The following EYS variants were observed in gnomAD, a reference collection of about 807,000 sequenced individuals.
The protein encoded by EYS is EGF-like photoreceptor maintenance factor.
In EYS, 250 loss-of-function variants were observed where a neutral mutation model predicts 282.1. That is an observed-to-expected ratio of 0.89 (90% confidence interval 0.80 to 0.98). The LOEUF is 0.98. Ranked by LOEUF, EYS falls within the 50% of genes least tolerant of loss-of-function variation. EYS has a pLI of 0.00. For missense variants in EYS, 4,016 were observed against 3,709.0 expected (o/e 1.08, Z -2.15); for synonymous variants, 1,355 against 1,282.9 (o/e 1.06, Z -1.20).
intron 41 of EYS, among the ~76,000 whole-genome samples, chr6:63,730,960 G>C (rs919868434): frequency 6.6e-6 from 1 of 152,156 alleles, no homozygotes; most frequent in Admixed American, 6.5e-5. Context: ...GGCAGAGGTT[G>C]CAGTGAGTTG....
intron 19 of EYS, among the ~76,000 whole-genome samples, chr6:64,854,415 A>G (rs1485295066): frequency 6.6e-6 from 1 of 152,086 alleles, no homozygotes; most frequent in Admixed American, 6.6e-5. Context: ...TGCAGCCATA[A>G]AAAAGGATGA....
chr6:63,773,475 A>G (rs1436547479), intron 40 of EYS, among the ~76,000 whole-genome samples: 1 of 152,216 alleles, frequency 6.6e-6, no homozygotes, highest in Non-Finnish European at 1.5e-5. Flanking sequence ...GGCGGGATAG[A>G]GTAGTACAAT....
intron 15 of EYS, among the ~76,000 whole-genome samples, chr6:64,925,269 A>G (rs1180625103): frequency 6.6e-6 from 1 of 152,168 alleles, no homozygotes; most frequent in Non-Finnish European, 1.5e-5. Flanking sequence ...TGCGGGAAAG[A>G]CCAGACCTCA....
At chr6:65,088,154 A>G (rs1452468495) in intron 12 of EYS, among the ~76,000 whole-genome samples, 1 of 152,176 alleles carries the variant, frequency 6.6e-6, no homozygotes, top group East Asian at 1.9e-4. Flanking sequence ...ACCCAGTCTC[A>G]AGTATTTCTT....
At chr6:65,524,472 C>CG (rs1767485179) in intron 2 of EYS, among the ~76,000 whole-genome samples, 1 of 152,072 alleles carries the variant, frequency 6.6e-6, no homozygotes, top group African/African-American at 2.4e-5. Flanking sequence ...AATGTTGGAC[C>CG]GTGAATCATA....
chr6:64,192,369 A>G (rs994240709), intron 31 of EYS, among the ~76,000 whole-genome samples: 34 of 152,116 alleles, frequency 2.2e-4, no homozygotes, highest in African/African-American at 8.0e-4. Context: ...TTTTGTTGCC[A>G]TTGCTTTTGG....
chr6:63,747,005 G>A (rs770184393), intron 41 of EYS, among the ~76,000 whole-genome samples: 1 of 151,964 alleles, frequency 6.6e-6, no homozygotes, highest in Non-Finnish European at 1.5e-5. Flanking sequence ...TGCTTCTCCT[G>A]TTCTTTTAAT....
intron 37 of EYS, among the ~76,000 whole-genome samples, chr6:63,805,089 C>T (rs1194669508): frequency 6.6e-6 from 1 of 152,000 alleles, no homozygotes; most frequent in African/African-American, 2.4e-5. Context: ...TTGAAAAAAA[C>T]AGAATATGTT....
At chr6:65,440,900 TAA>T (rs1491553291) in intron 5 of EYS, among the ~76,000 whole-genome samples, 3 of 147,322 alleles carry the variant, frequency 2.0e-5, no homozygotes, top group African/African-American at 7.4e-5. Flanking sequence ...TGTTTATGTA[TAA>T]TATATATATA....
At chr6:63,907,412 T>C (rs1773804321) in intron 35 of EYS, among the ~76,000 whole-genome samples, 2 of 152,138 alleles carry the variant, frequency 1.3e-5, no homozygotes, top group South Asian at 4.1e-4. Context: ...ATCTTCAGGA[T>C]CAAGGATTCC....
intron 18 of EYS, among the ~76,000 whole-genome samples, chr6:64,896,154 A>C (rs530099271): frequency 2.6e-5 from 4 of 152,322 alleles, no homozygotes; most frequent in African/African-American, 7.2e-5. Context: ...AGATGGCAGA[A>C]TAGGAATAGC....
At chr6:65,700,136 A>AAAAC in intron 1 of EYS, among the ~76,000 whole-genome samples, 1 of 150,464 alleles carries the variant, frequency 6.6e-6, no homozygotes, top group Non-Finnish European at 1.5e-5. Flanking sequence ...AAAAAAAAAA[A>AAAAC]AAACTATATT....
chr6:65,440,280 A>T (rs1329531500), intron 5 of EYS, among the ~76,000 whole-genome samples: 1 of 152,020 alleles, frequency 6.6e-6, no homozygotes, highest in Non-Finnish European at 1.5e-5. Context: ...TCCAAGATGA[A>T]CAGGAGTGAG....
In EYS at chr6:64,062,270, C is replaced by T. The variant is rs977827337; in HGVS notation, c.6725+4068G>A. Among the ~76,000 whole-genome samples the T allele has an allele frequency of 5.9e-5, 9 of 152,176 alleles. No individual in the cohort carries two copies. In the South Asian group the frequency reaches 1.2e-3, roughly 21 times the overall value. On this transcript the variant is annotated intron_variant, in intron 33 of 42. Coordinates refer to ENST00000503581, the MANE Select transcript of EYS (RefSeq NM_001142800.2). ...ACTGGACAGATAAAGCAAAGGCAATCGTAAATCCAGGGACATCCACAATGA... is the reference window on the plus strand; with the variant it reads ...ACTGGACAGATAAAGCAAAGGCAATTGTAAATCCAGGGACATCCACAATGA...
intron 30 of EYS, among the ~76,000 whole-genome samples, chr6:64,306,187 C>T (rs895792390): frequency 6.6e-6 from 1 of 152,070 alleles, no homozygotes; most frequent in African/African-American, 2.4e-5. Context: ...TCCCACAGGG[C>T]TTCTAAAGGA....
chr6:65,288,299 C>T (rs1288137834), intron 12 of EYS, among the ~76,000 whole-genome samples: 1 of 150,514 alleles, frequency 6.6e-6, no homozygotes, highest in Non-Finnish European at 1.5e-5. Context: ...GAAGTTCTGA[C>T]AAAAAATATG....
intron 13 of EYS, among the ~76,000 whole-genome samples, chr6:65,034,616 C>T (rs1301117202): frequency 1.3e-5 from 2 of 152,120 alleles, no homozygotes; most frequent in Non-Finnish European, 2.9e-5. Flanking sequence ...CCCTGCTCCA[C>T]CTTCAAGTTC....
At chr6:64,604,122 T>C (rs1766850974) in intron 24 of EYS, among the ~76,000 whole-genome samples, 1 of 151,990 alleles carries the variant, frequency 6.6e-6, no homozygotes, top group African/African-American at 2.4e-5. Context: ...TCTCTTGGTT[T>C]AGAATAATTC....
chr6:64,983,236 G>A (rs941534), intron 14 of EYS, among the ~76,000 whole-genome samples: 144,129 of 151,130 alleles, frequency 0.95, 68,814 homozygotes, highest in African/African-American at 0.99. Context: ...ACACTGCCTA[G>A]ACAGAATAAT....
Sources: allele counts gnomAD v4.1 joint callset (sites outside exome capture counted in the v4.1 genomes callset), GRCh38; gene constraint gnomAD v4.1.1; transcripts MANE v1.5; gene names NCBI Gene and HGNC (gene_info 2026-07-23, HGNC 2026-07-21).